Variants in PHF8 observed in about 807,000 individuals in gnomAD.
PHF8 encodes the protein histone lysine demethylase PHF8.
Under a neutral mutation model 74.4 loss-of-function variants are expected in PHF8, and 9 were observed. The observed-to-expected ratio is 0.12, with a 90% CI of 0.07 to 0.21. The LOEUF is 0.21. Among genes scored for constraint, PHF8 ranks in the 10% least tolerant of loss-of-function variants. The pLI, the probability that PHF8 is intolerant of heterozygous loss-of-function variation, is 1.00. For synonymous variants in PHF8, 311 were observed against 316.6 expected (o/e 0.98, Z 0.19); for missense variants, 478 against 816.6 (o/e 0.59, Z 5.05).
intron 2 of PHF8, among the ~76,000 whole-genome samples, chrX:54,034,810 C>G (rs186173118): frequency 1.2e-5 from 1 of 83,679 alleles, no homozygotes; most frequent in African/African-American, 4.9e-5. Context: ...GGCGACAGAG[C>G]GAGACTTCGT....
At position 53,937,297 on chromosome X, in the gene PHF8, G is replaced by A. The variant is rs1188621168; in HGVS notation, c.*1861C>T. 9.0e-6 allele frequency: 1 copy of A among 111,618 alleles called. No homozygotes were observed. The highest frequency in any genetic ancestry group is 1.9e-5 in the Non-Finnish European group (1 of 53,129). 9.2% of individuals were successfully genotyped at this position (111,618 alleles called of 1,213,427 possible). ...AGAGGGAAAAGGCCGGAATCGGGGG[G>A]ATTTGCTAGCAATTAGCTGCCTTTG... On this transcript the variant is annotated 3_prime_UTR_variant, in exon 22 of 22. Coordinates refer to ENST00000338154, the MANE Select transcript of PHF8 (RefSeq NM_015107.3).
chrX:54,022,809 T>C lies in PHF8; in HGVS notation c.133A>G (p.Ile45Val). The stretch of plus-strand genomic sequence containing the variant: ...CAGTTGGGGCAGTGGTAGAGGTCAA[T>C]GTCAGCAGCCTTCTCCTCTTCAACA... ...VGVEEEKAAD[I>V]DLYHCPNCEV... The change falls in exon 3 of 22, where the codon ATT (isoleucine) becomes GTT (valine). Residue 45 changes from isoleucine (I) to valine (V), a missense_variant. This residue lies in a region of PHF8 where 15 missense variants were observed against 50.6 expected (regional missense o/e 0.30). Transcript: ENST00000338154. 1 of 1,200,116 alleles carries C rather than the reference T, an allele frequency of 8.3e-7. No homozygotes were observed. Among genetic ancestry groups the C allele is most frequent in the Non-Finnish European group, 1.1e-6 (1 of 885,130 alleles).
chrX:54,035,431 T>TGAC (rs2066436067), intron 2 of PHF8, among the ~76,000 whole-genome samples: 1 of 88,219 alleles, frequency 1.1e-5, no homozygotes, highest in Non-Finnish European at 2.3e-5. Context: ...AGCAGTTGCT[T>TGAC]ATGGTAAGTT....
At chrX:53,980,853 G>C (rs782704627) in intron 18 of PHF8, among the ~76,000 whole-genome samples, 3 of 112,671 alleles carry the variant, frequency 2.7e-5, no homozygotes, top group African/African-American at 3.2e-5. Flanking sequence ...TGAATAAATA[G>C]AGACAGACTA....
chrX:53,972,610 A>G (rs1165918867), intron 18 of PHF8, among the ~76,000 whole-genome samples: 2 of 111,770 alleles, frequency 1.8e-5, no homozygotes, highest in Non-Finnish European at 3.8e-5. Flanking sequence ...TTCATGTTAA[A>G]AACTCTCAAT....
chrX:54,046,737 T>C, upstream of PHF8, among the ~76,000 whole-genome samples: 1 of 111,589 alleles, frequency 9.0e-6, no homozygotes. Flanking sequence ...GCAGATTGCA[T>C]GTCTGTAATC....
intron 19 of PHF8, among the ~76,000 whole-genome samples, chrX:53,954,146 A>G (rs1299901888): frequency 2.7e-5 from 3 of 111,850 alleles, no homozygotes; most frequent in Middle Eastern, 4.6e-3. Flanking sequence ...GATAAATTCA[A>G]TAATAATAGC....
rs57756160 is a variant in PHF8, at chrX:53,944,088, T to A, written c.2649+46A>T. 1.2e-3 allele frequency: 980 copies of A among 815,295 alleles called. 7 individuals are homozygous for A. In the African/African-American group the frequency reaches 0.017, roughly 15 times the overall value. 67.2% of individuals were successfully genotyped at this position (815,295 alleles called of 1,213,427 possible). On this transcript the variant is annotated intron_variant, in intron 20 of 21. Coordinates refer to ENST00000338154, the MANE Select transcript of PHF8 (RefSeq NM_015107.3). ...CAGGTCTAAGTGTTGAGGCTCTAAG[T>A]CAAACTGCTATTAGTTGCAGGGTGA...
intron 2 of PHF8, among the ~76,000 whole-genome samples, chrX:54,036,049 T>G (rs1422082165): frequency 3.0e-5 from 3 of 100,275 alleles, no homozygotes; most frequent in South Asian, 9.2e-4. Flanking sequence ...AGCCGGAGGT[T>G]GCGGTGAGCC....
Position 54,044,048 on chromosome X carries a change from C to A in PHF8, c.-379G>T. 2 of 755,285 alleles carry A rather than the reference C, an allele frequency of 2.6e-6. No homozygotes were observed. The highest frequency in any genetic ancestry group is 6.7e-5 in the South Asian group (1 of 14,955). The allele number at this position is 755,285 out of a possible 1,213,427, so 62.2% of individuals were successfully genotyped here. ...AACCTCGCTCGCCTTCCCCTCGAGC[C>A]CCCCGCTGGGTCGCGCGGCGCCAGC... On this transcript the variant is annotated 5_prime_UTR_variant, in exon 1 of 22. Coordinates refer to ENST00000338154, the MANE Select transcript of PHF8 (RefSeq NM_015107.3).
chrX:53,974,173 G>A (rs2065338466), intron 18 of PHF8, among the ~76,000 whole-genome samples: 1 of 110,948 alleles, frequency 9.0e-6, no homozygotes, highest in African/African-American at 3.3e-5. Context: ...GGCTGAGGCA[G>A]AAGAATGGCA....
chrX:54,041,026 C>T (rs1557115707), intron 2 of PHF8, among the ~76,000 whole-genome samples: 1 of 111,568 alleles, frequency 9.0e-6, no homozygotes, highest in Non-Finnish European at 1.9e-5. Context: ...GGGGGCAGTC[C>T]CTGCTGAGGG....
chrX:53,955,557 C>CTTTTTTTTTT (rs369969712), intron 19 of PHF8, among the ~76,000 whole-genome samples: 3 of 72,934 alleles, frequency 4.1e-5, no homozygotes, highest in African/African-American at 1.0e-4. Flanking sequence ...CTCTTCTTTT[C>CTTTTTTTTTT]TTTTTTTTTT....
intron 18 of PHF8, among the ~76,000 whole-genome samples, chrX:53,967,363 G>GT (rs1557093233): frequency 9.3e-6 from 1 of 107,530 alleles, no homozygotes; most frequent in Non-Finnish European, 2.0e-5. Flanking sequence ...CGGGAGGGAG[G>GT]TGGGGGGTCA....
chrX:53,983,722 T>G (rs2065514423), intron 18 of PHF8, among the ~76,000 whole-genome samples: 1 of 112,135 alleles, frequency 8.9e-6, no homozygotes, highest in Admixed American at 9.5e-5. Context: ...AAGTAAAAAC[T>G]TAGGAACAAC....
At position 53,937,508 on chromosome X, in the gene PHF8, T is replaced by G; in HGVS notation, c.*1650A>C. On this transcript the variant is annotated 3_prime_UTR_variant, in exon 22 of 22. Coordinates refer to ENST00000338154, the MANE Select transcript of PHF8 (RefSeq NM_015107.3). ...TGGGCAGAAACAGAGGGGAGGGGAG[T>G]AGGGACTCACGTGCTAGGGGGGAGG... The G allele has an allele frequency of 8.7e-6, 1 of 114,286 alleles. No homozygotes were observed. The highest frequency in any genetic ancestry group is 9.2e-5 in the Admixed American group (1 of 10,859). The allele number at this position is 114,286 out of a possible 1,213,427, so 9.4% of individuals were successfully genotyped here.
chrX:53,985,311 G>A (rs1483986302), intron 17 of PHF8, 84 bp from the exon 18 acceptor site: 7 of 772,797 alleles, frequency 9.1e-6, no homozygotes, highest in Non-Finnish European at 7.7e-6. Context: ...AGGGAGGAGG[G>A]ATGATAGCTA....
intron 6 of PHF8, 147 bp downstream of exon 6, chrX:54,016,448 C>T (rs2066070980): frequency 2.8e-5 from 13 of 469,359 alleles, no homozygotes; most frequent in Non-Finnish European, 3.7e-5. Flanking sequence ...GAGCCAAGAT[C>T]GTGCCACTGT....
At chrX:53,992,586 GCAA>G (rs1387206044) in intron 14 of PHF8, 147 bp downstream of exon 14, 1 of 477,829 alleles carries the variant, frequency 2.1e-6, no homozygotes, top group Admixed American at 2.8e-5. Flanking sequence ...TCTGAACTAA[GCAA>G]CAATACATTA....
Sources: allele counts gnomAD v4.1 joint callset (sites outside exome capture counted in the v4.1 genomes callset), GRCh38; gene constraint gnomAD v4.1.1; regional missense constraint gnomAD v4.1.1; transcripts MANE v1.5; gene names NCBI Gene and HGNC (gene_info 2026-07-23, HGNC 2026-07-21).